The following HPSE2 variants were observed in gnomAD, a reference collection of about 807,000 sequenced individuals.
HPSE2 encodes the protein inactive heparanase-2.
Under a neutral mutation model 60.5 loss-of-function variants are expected in HPSE2, and 38 were observed. The observed-to-expected ratio is 0.63, with a 90% CI of 0.48 to 0.82. HPSE2 has a LOEUF of 0.82. Among genes scored for constraint, HPSE2 ranks in the 40% least tolerant of loss-of-function variants. The pLI, the probability that HPSE2 is intolerant of heterozygous loss-of-function variation, is 0.00. For missense variants in HPSE2, 713 were observed against 740.4 expected (o/e 0.96, Z 0.43); for synonymous variants, 295 against 293.2 (o/e 1.01, Z -0.06).
the HPSE2 span, among the ~76,000 whole-genome samples, chr10:99,260,363 T>C: frequency 5.0e-4 from 76 of 152,242 alleles, no homozygotes; most frequent in Non-Finnish European, 8.2e-4. Flanking sequence ...GGAGGACTCT[T>C]TCGGGAGACT....
chr10:98,772,253 C>T (rs749950059), intron 3 of HPSE2, among the ~76,000 whole-genome samples: 9 of 151,988 alleles, frequency 5.9e-5, no homozygotes, highest in Non-Finnish European at 1.2e-4. Flanking sequence ...TCCCCAGGGG[C>T]AAATATAATA....
At chr10:98,626,961 G>T (rs553009314) in intron 7 of HPSE2, among the ~76,000 whole-genome samples, 11 of 152,202 alleles carry the variant, frequency 7.2e-5, no homozygotes, top group Middle Eastern at 3.4e-3. Context: ...TTTTAGTAGA[G>T]ATGGGGTTTC....
chr10:99,209,694 T>C (rs1330294276), intron 2 of HPSE2, among the ~76,000 whole-genome samples: 2 of 152,184 alleles, frequency 1.3e-5, no homozygotes, highest in Admixed American at 6.5e-5. Context: ...AAGAGTTGTT[T>C]GTTTGTTTGT....
intron 2 of HPSE2, among the ~76,000 whole-genome samples, chr10:99,222,329 C>A (rs1186616098): frequency 6.6e-6 from 1 of 152,086 alleles, no homozygotes; most frequent in Non-Finnish European, 1.5e-5. Flanking sequence ...TCCTTGATTT[C>A]TTCATTTTAA....
chr10:98,510,577 AGAC>A (rs1942356091), intron 9 of HPSE2, among the ~76,000 whole-genome samples: 1 of 152,218 alleles, frequency 6.6e-6, no homozygotes, highest in African/African-American at 2.4e-5. Context: ...CAGGCCCATG[AGAC>A]TTTTGATGAT....
the HPSE2 span, among the ~76,000 whole-genome samples, chr10:99,245,900 T>C: frequency 1.3e-5 from 2 of 151,858 alleles, no homozygotes; most frequent in Non-Finnish European, 2.9e-5. Context: ...ATAAAGGAAA[T>C]AGATAGGTAA....
intron 1 of HPSE2, 29 bp from the exon 2 acceptor site, chr10:99,232,534 G>A (rs372080554): frequency 1.3e-6 from 2 of 1,549,750 alleles, no homozygotes; most frequent in Non-Finnish European, 1.7e-6. Flanking sequence ...AGAGAGGAAA[G>A]GTTCCCAGGA....
intron 3 of HPSE2, among the ~76,000 whole-genome samples, chr10:98,764,314 G>A (rs1054278634): frequency 6.6e-6 from 1 of 151,606 alleles, no homozygotes; most frequent in Non-Finnish European, 1.5e-5. Context: ...CCAAACAATG[G>A]GAGAAATGGG....
At chr10:99,148,719 G>A (rs1454678612) in intron 2 of HPSE2, among the ~76,000 whole-genome samples, 1 of 152,098 alleles carries the variant, frequency 6.6e-6, no homozygotes, top group Non-Finnish European at 1.5e-5. Context: ...GAAATTGGGA[G>A]GCAGAAGCTG....
At chr10:99,209,915 C>T (rs1406583870) in intron 2 of HPSE2, among the ~76,000 whole-genome samples, 2 of 152,218 alleles carry the variant, frequency 1.3e-5, no homozygotes, top group Admixed American at 1.3e-4. Context: ...GTCTCCAACT[C>T]CTGACCTCGT....
chr10:98,687,561 A>C (rs1216734144), intron 6 of HPSE2, among the ~76,000 whole-genome samples: 1 of 152,206 alleles, frequency 6.6e-6, no homozygotes, highest in Non-Finnish European at 1.5e-5. Context: ...ATATAATGTA[A>C]CATATTTACA....
chr10:98,904,072 T>C (rs1416281609), intron 3 of HPSE2, among the ~76,000 whole-genome samples: 1 of 152,192 alleles, frequency 6.6e-6, no homozygotes. Flanking sequence ...TACAAAAGTA[T>C]TGTATAAACT....
At chr10:98,470,799 G>A (rs1459724717) in intron 11 of HPSE2, among the ~76,000 whole-genome samples, 1 of 151,660 alleles carries the variant, frequency 6.6e-6, no homozygotes, top group African/African-American at 2.4e-5. Context: ...GAGTGGAGGT[G>A]AAGAGGGGAT....
intron 3 of HPSE2, among the ~76,000 whole-genome samples, chr10:99,103,170 T>C (rs1033371825): frequency 2.6e-5 from 4 of 152,076 alleles, no homozygotes; most frequent in African/African-American, 7.2e-5. Context: ...GGGTATTCAA[T>C]TAGGAAAAGA....
chr10:98,461,866 A>G lies in HPSE2; in HGVS notation c.1614-2127T>C, dbSNP rs753431784. On this transcript the variant is annotated intron_variant, in intron 11 of 11. Coordinates refer to ENST00000370552, the MANE Select transcript of HPSE2 (RefSeq NM_021828.5). ...GTGATTAGCAAACCTTTAAAAATCT[A>G]TACTAATAAGGAGTAGTTGTCCTGG... 1.2e-5 allele frequency: 17 copies of G among 1,367,120 alleles called. No individual in the cohort carries two copies. In the East Asian group the frequency reaches 2.2e-4, roughly 17 times the overall value. The allele number at this position is 1,367,120 out of a possible 1,614,324, so 84.7% of individuals were successfully genotyped here. A position where few individuals can be genotyped will look rare whatever the true frequency, so the allele number is the denominator to read the frequency against.
intron 3 of HPSE2, among the ~76,000 whole-genome samples, chr10:98,897,241 G>A (rs1467152660): frequency 1.3e-5 from 2 of 152,124 alleles, no homozygotes; most frequent in Non-Finnish European, 2.9e-5. Flanking sequence ...AGTGTACACC[G>A]CTTGGGTGAT....
intron 1 of HPSE2, among the ~76,000 whole-genome samples, chr10:99,234,077 T>C (rs1483487489): frequency 6.6e-6 from 1 of 152,186 alleles, no homozygotes; most frequent in African/African-American, 2.4e-5. Context: ...TGCGGAAAAC[T>C]CCGTTGCACC....
chr10:98,482,539 C>A, intron 11 of HPSE2, 97 bp downstream of exon 11: 1 of 1,466,098 alleles, frequency 6.8e-7, no homozygotes, highest in East Asian at 2.3e-5. Context: ...CCCACTGAGC[C>A]CTTGAGAGAA....
intron 9 of HPSE2, among the ~76,000 whole-genome samples, chr10:98,522,518 A>G (rs1182765570): frequency 6.6e-6 from 1 of 152,104 alleles, no homozygotes; most frequent in African/African-American, 2.4e-5. Flanking sequence ...CTCTGTCACC[A>G]GGCTGGAGTG....
Sources: gnomAD v4.1 joint callset for allele counts (sites outside exome capture counted in the v4.1 genomes callset) on GRCh38, gnomAD v4.1.1 for gene constraint, MANE v1.5 for transcripts, NCBI Gene and HGNC (gene_info 2026-07-23, HGNC 2026-07-21) for gene names.